LRP1B: variants seen among roughly 807,000 people sequenced by gnomAD.
LRP1B encodes low-density lipoprotein receptor-related protein 1B.
A neutral mutation model predicts 556.6 loss-of-function variants in LRP1B; 217 were observed. The ratio of observed to expected loss-of-function variants is 0.39; its 90% CI spans 0.35 to 0.44. The LOEUF (loss-of-function observed/expected upper bound fraction) is 0.44, where lower values mean the gene tolerates loss of function less well. Among genes scored for constraint, LRP1B ranks in the 20% least tolerant of loss-of-function variants. LRP1B has a pLI of 1.00. For synonymous variants in LRP1B, 2,047 were observed against 1,865.8 expected, an observed-to-expected ratio of 1.10 and a Z score of -2.50; for missense variants, 5,053 against 5,620.8, an observed-to-expected ratio of 0.90 and a Z score of 3.23.
At chr2:140,868,490 A>G (rs1485595233) in intron 25 of LRP1B, among the ~76,000 whole-genome samples, 1 of 152,074 alleles carries the variant, frequency 6.6e-6, no homozygotes, top group Non-Finnish European at 1.5e-5. Context: ...AAAAATTGCT[A>G]TGAGAGAGAA....
intron 10 of LRP1B, among the ~76,000 whole-genome samples, chr2:141,054,854 GA>G (rs1699133318): frequency 6.6e-6 from 1 of 151,898 alleles, no homozygotes; most frequent in Admixed American, 6.6e-5. Context: ...GGAATTAAGG[GA>G]AGCATCTTTC....
At chr2:140,781,085 C>T (rs894880042) in intron 32 of LRP1B, among the ~76,000 whole-genome samples, 10 of 152,174 alleles carry the variant, frequency 6.6e-5, no homozygotes, top group Admixed American at 1.3e-4. Context: ...AGTTTCTGAG[C>T]GTGATCAATT....
intron 27 of LRP1B, among the ~76,000 whole-genome samples, chr2:140,857,204 T>G (rs1242276099): frequency 3.3e-5 from 5 of 152,196 alleles, no homozygotes; most frequent in African/African-American, 1.2e-4. Flanking sequence ...TATGTATATT[T>G]GTTTACCTAA....
intron 43 of LRP1B, among the ~76,000 whole-genome samples, chr2:140,586,162 A>C (rs1292051746): frequency 6.6e-6 from 1 of 152,214 alleles, no homozygotes; most frequent in East Asian, 1.9e-4. Flanking sequence ...TAGAAATTAT[A>C]CATAAAACAA....
At chr2:140,527,939 T>A (rs1323124389) in intron 47 of LRP1B, among the ~76,000 whole-genome samples, 3 of 152,016 alleles carry the variant, frequency 2.0e-5, no homozygotes, top group East Asian at 3.9e-4. Context: ...TAGGTAGTTA[T>A]GATATTCCTA....
At chr2:140,408,573 T>C (rs1684845317) in intron 66 of LRP1B, among the ~76,000 whole-genome samples, 1 of 151,792 alleles carries the variant, frequency 6.6e-6, no homozygotes, top group Non-Finnish European at 1.5e-5. Context: ...GAGAAAAGGA[T>C]GGGGAATCCT....
chr2:140,657,749 G>C (rs1684944115), intron 41 of LRP1B, among the ~76,000 whole-genome samples: 1 of 151,236 alleles, frequency 6.6e-6, no homozygotes, highest in Non-Finnish European at 1.5e-5. Flanking sequence ...TTATTTTAAT[G>C]TACTCATGAT....
intron 1 of LRP1B, among the ~76,000 whole-genome samples, chr2:141,841,586 A>G (rs1331627215): frequency 1.3e-5 from 2 of 152,062 alleles, no homozygotes; most frequent in African/African-American, 2.4e-5. Context: ...CTTTCCAGAT[A>G]CTGTTTGTTT....
At chr2:140,325,988 T>C (rs1680456746) in intron 79 of LRP1B, 110 bp from the exon 80 acceptor site, 3 of 674,198 alleles carry the variant, frequency 4.4e-6, no homozygotes, top group East Asian at 2.7e-5. Flanking sequence ...TCTTCAAGCA[T>C]CATAGAAATT....
rs1245988830 is a variant in LRP1B, at chr2:140,541,874, G to C, written c.7292C>G (p.Ser2431Cys). The change falls in exon 44 of 91, where the codon TCC becomes TGC. Residue 2431 changes from serine to cysteine, a missense_variant. Ser to Cys is a moderately radical substitution (Grantham distance 112). Coordinates refer to ENST00000389484, the MANE Select transcript of LRP1B (RefSeq NM_018557.3). Reference protein sequence around the residue: ...SDWGRRAILRSNKYTGGDTKI... With the variant: ...SDWGRRAILRCNKYTGGDTKI... ...TGTATCTCCTCCTGTGTACTTGTTGGACCGCAGTATAGCTCTTCTTCCCCA... is the reference window on the plus strand; with the variant it reads ...TGTATCTCCTCCTGTGTACTTGTTGCACCGCAGTATAGCTCTTCTTCCCCA... 1 of 1,612,818 alleles carries C rather than the reference G, an allele frequency of 6.2e-7. No homozygotes were observed. The highest frequency in any genetic ancestry group is 8.5e-7 in the Non-Finnish European group (1 of 1,179,148).
chr2:140,962,413 C>T (rs185790642), intron 18 of LRP1B, among the ~76,000 whole-genome samples: 20 of 152,246 alleles, frequency 1.3e-4, no homozygotes, highest in African/African-American at 4.8e-4. Context: ...ATGAAAATAA[C>T]ATTGTAAAAA....
At chr2:140,649,494 G>T (rs1046523513) in intron 41 of LRP1B, among the ~76,000 whole-genome samples, 4 of 152,174 alleles carry the variant, frequency 2.6e-5, no homozygotes, top group African/African-American at 9.7e-5. Flanking sequence ...TGGAAGAATT[G>T]GGGCTGATTC....
chr2:141,013,056 AG>A (rs1697801173), intron 14 of LRP1B, among the ~76,000 whole-genome samples: 1 of 151,968 alleles, frequency 6.6e-6, no homozygotes, highest in Non-Finnish European at 1.5e-5. Flanking sequence ...ATATTGTTAT[AG>A]ACGGTTTTAC....
chr2:141,690,398 T>TAAATAA (rs3039235), intron 2 of LRP1B, among the ~76,000 whole-genome samples: 834 of 27,986 alleles, frequency 0.03, 25 homozygotes, highest in African/African-American at 0.05. Flanking sequence ...CATCTATAAA[T>TAAATAA]ATATATATAT....
chr2:141,142,523 T>C (rs991867631), intron 7 of LRP1B, among the ~76,000 whole-genome samples: 1 of 152,198 alleles, frequency 6.6e-6, no homozygotes, highest in South Asian at 2.1e-4. Context: ...TATCTGCCTA[T>C]GATGTTGTTA....
chr2:141,577,428 T>C (rs1686792307), intron 2 of LRP1B, among the ~76,000 whole-genome samples: 1 of 152,204 alleles, frequency 6.6e-6, no homozygotes, highest in African/African-American at 2.4e-5. Flanking sequence ...TTTAAATAAA[T>C]ATCTCATAAA....
chr2:141,954,866 A>T (rs1370949002), intron 1 of LRP1B, among the ~76,000 whole-genome samples: 1 of 152,070 alleles, frequency 6.6e-6, no homozygotes, highest in Non-Finnish European at 1.5e-5. Flanking sequence ...TTCTTATGAC[A>T]TGTTTTAGTT....
At chr2:141,619,158 GC>G (rs780222093) in intron 2 of LRP1B, among the ~76,000 whole-genome samples, 69 of 152,082 alleles carry the variant, frequency 4.5e-4, no homozygotes, top group Middle Eastern at 3.2e-3. Flanking sequence ...ACCTCAACCT[GC>G]TTTTCTTGAG....
chr2:141,202,129 G>A (rs1573643753), intron 6 of LRP1B, among the ~76,000 whole-genome samples: 1 of 152,054 alleles, frequency 6.6e-6, no homozygotes, highest in African/African-American at 2.4e-5. Flanking sequence ...ATCCCTGACA[G>A]GCCTCAGTGT....
Sources: allele counts gnomAD v4.1 joint callset (sites outside exome capture counted in the v4.1 genomes callset), GRCh38; gene constraint gnomAD v4.1.1; transcripts MANE v1.5; gene names NCBI Gene and HGNC (gene_info 2026-07-23, HGNC 2026-07-21).